The following RANBP2 variants were observed in gnomAD, a reference collection of about 807,000 sequenced individuals.
RANBP2 encodes the protein E3 SUMO-protein ligase RanBP2.
Under a neutral mutation model 303.6 loss-of-function variants are expected in RANBP2, and 57 were observed. The observed-to-expected ratio is 0.19, with a 90% CI of 0.15 to 0.23. RANBP2 has a LOEUF of 0.23. Ranked by LOEUF, RANBP2 falls within the 10% of genes least tolerant of loss-of-function variation. The pLI is 1.00. For synonymous variants in RANBP2, 1,167 were observed against 1,301.5 expected (o/e 0.90, Z 2.23); for missense variants, 3,138 against 3,780.8 (o/e 0.83, Z 4.46).
downstream of RANBP2, chr2:108,787,032 C>G (rs952828533): frequency 1.8e-6 from 1 of 542,330 alleles, no homozygotes; most frequent in Non-Finnish European, 2.8e-6. Flanking sequence ...CCCCGGCACT[C>G]CCGCCGTGGC....
At chr2:109,722,567 G>T in the RANBP2 span, among the ~76,000 whole-genome samples, 2 of 152,190 alleles carry the variant, frequency 1.3e-5, no homozygotes, top group African/African-American at 2.4e-5. Flanking sequence ...GTTTGCTGCA[G>T]AGATCAACCC....
the RANBP2 span, among the ~76,000 whole-genome samples, chr2:109,607,179 C>T: frequency 6.6e-6 from 1 of 152,126 alleles, no homozygotes; most frequent in African/African-American, 2.4e-5. Flanking sequence ...ATCATAATCA[C>T]ACAAATAATT....
the RANBP2 span, among the ~76,000 whole-genome samples, chr2:109,210,451 G>C: frequency 1.1e-4 from 16 of 152,190 alleles, no homozygotes; most frequent in Non-Finnish European, 2.1e-4. Flanking sequence ...TGTTTTCAGA[G>C]TTGCCCAGCA....
At chr2:109,735,548 A>T in the RANBP2 span, among the ~76,000 whole-genome samples, 1 of 152,168 alleles carries the variant, frequency 6.6e-6, no homozygotes, top group Non-Finnish European at 1.5e-5. Context: ...AAATGTGATC[A>T]AAACTTGATT....
At chr2:109,313,405 A>C in the RANBP2 span, among the ~76,000 whole-genome samples, 47,399 of 152,076 alleles carry the variant, frequency 0.31, 9,140 homozygotes, top group African/African-American at 0.55. Context: ...GTCATATTTT[A>C]AGATGTGCTC....
the RANBP2 span, among the ~76,000 whole-genome samples, chr2:109,022,557 A>C: frequency 2.0e-5 from 3 of 152,206 alleles, no homozygotes; most frequent in African/African-American, 7.2e-5. Flanking sequence ...CAATGTGTAC[A>C]CATGGACATG....
the RANBP2 span, among the ~76,000 whole-genome samples, chr2:109,068,776 AT>A: frequency 6.6e-6 from 1 of 152,172 alleles, no homozygotes; most frequent in African/African-American, 2.4e-5. Flanking sequence ...TTGAGTTGGA[AT>A]ACCATTTGTT....
the RANBP2 span, among the ~76,000 whole-genome samples, chr2:109,316,899 A>T: frequency 1.3e-5 from 2 of 152,332 alleles, no homozygotes; most frequent in East Asian, 3.9e-4. Context: ...GGAAGTATAC[A>T]GTGCGTAGCC....
At chr2:109,038,356 C>A in the RANBP2 span, among the ~76,000 whole-genome samples, 1 of 151,982 alleles carries the variant, frequency 6.6e-6, no homozygotes, top group African/African-American at 2.4e-5. Flanking sequence ...TTGCTCTGGC[C>A]AAGTGTGGTG....
chr2:109,147,041 C>T, the RANBP2 span, among the ~76,000 whole-genome samples: 1 of 152,028 alleles, frequency 6.6e-6, no homozygotes, highest in East Asian at 1.9e-4. Flanking sequence ...TAAGTAGAGG[C>T]TCTGCCCTCC....
chr2:108,965,892 G>A, the RANBP2 span, among the ~76,000 whole-genome samples: 1 of 151,732 alleles, frequency 6.6e-6, no homozygotes, highest in Non-Finnish European at 1.5e-5. Flanking sequence ...TCTCCCCCCA[G>A]GCAAAGAAAT....
the RANBP2 span, chr2:109,437,294 G>A: frequency 7.6e-6 from 10 of 1,309,982 alleles, no homozygotes; most frequent in Middle Eastern, 2.7e-4. Context: ...AAGGAAAACC[G>A]GTTTGGCCCC....
chr2:108,786,681 G>A (rs529834891), downstream of RANBP2: 32 of 729,710 alleles, frequency 4.4e-5, no homozygotes, highest in Admixed American at 4.8e-4. Context: ...CAGTCTCCGG[G>A]TCGCCCCGCC....
the RANBP2 span, among the ~76,000 whole-genome samples, chr2:109,572,285 G>A: frequency 1.4e-4 from 21 of 152,104 alleles, no homozygotes; most frequent in Middle Eastern, 3.4e-3. Context: ...CGCATGCCAC[G>A]ACGCCCGGCT....
At chr2:108,874,028 AGTT>A in the RANBP2 span, among the ~76,000 whole-genome samples, 2 of 152,314 alleles carry the variant, frequency 1.3e-5, no homozygotes, top group South Asian at 4.1e-4. Flanking sequence ...CAGAACATCT[AGTT>A]GTTTCTATAG....
At chr2:109,484,321 C>T in the RANBP2 span, among the ~76,000 whole-genome samples, 2 of 152,162 alleles carry the variant, frequency 1.3e-5, no homozygotes. Context: ...TCCACCTTGG[C>T]CTCCCAAAGT....
At chr2:108,968,336 T>C in the RANBP2 span, among the ~76,000 whole-genome samples, 1 of 152,150 alleles carries the variant, frequency 6.6e-6, no homozygotes, top group Non-Finnish European at 1.5e-5. Context: ...CTTCAAGCCT[T>C]TTTTTGTTTT....
rs1203383987 is a variant in RANBP2 at position 108,772,495 on chromosome 2, A to G, written c.8027A>G (p.Asp2676Gly). 6.2e-7 allele frequency: 1 copy of G among 1,612,874 alleles called. No individual in the cohort carries two copies. Among genetic ancestry groups the G allele is most frequent in the Non-Finnish European group, 8.5e-7 (1 of 1,179,222 alleles). The change falls in exon 22 of 29, where the codon GAT becomes GGT. Residue 2676 changes from aspartate to glycine, a missense_variant. Asp to Gly is a moderately conservative substitution (Grantham distance 94, BLOSUM62 -1). Transcript: ENST00000283195. ...TAATCAATTGTATTTTAAGATGAAG[A>G]TTTCGAAACAGCTGTCAAGAAACTT... ...YVSEEEEDDE[D>G]FETAVKKLNG...
At chr2:109,673,701 T>C in the RANBP2 span, among the ~76,000 whole-genome samples, 3 of 143,834 alleles carry the variant, frequency 2.1e-5, no homozygotes, top group South Asian at 4.3e-4. Context: ...CCATCTCTAC[T>C]AAAAATACAA....
Sources: gnomAD v4.1 joint callset for allele counts (sites outside exome capture counted in the v4.1 genomes callset) on GRCh38, gnomAD v4.1.1 for gene constraint, MANE v1.5 for transcripts, NCBI Gene and HGNC (gene_info 2026-07-23, HGNC 2026-07-21) for gene names.